Variants in DAB2IP observed in about 807,000 individuals in gnomAD.
DAB2IP encodes DAB2 interacting protein.
In DAB2IP, 28 loss-of-function variants were observed where a neutral mutation model predicts 107.2. That is an observed-to-expected ratio of 0.26 (90% CI 0.19 to 0.36). DAB2IP has a LOEUF of 0.36. Ranked by LOEUF, DAB2IP falls within the 10% of genes least tolerant of loss-of-function variation. The pLI is 1.00. For synonymous variants in DAB2IP, 755 were observed against 706.4 expected (o/e 1.07, Z -1.09); for missense variants, 1,400 against 1,644.7 (o/e 0.85, Z 2.57).
chr9:121,667,958 C>T (rs1193794776), intron 1 of DAB2IP, among the ~76,000 whole-genome samples: 1 of 152,108 alleles, frequency 6.6e-6, no homozygotes, highest in African/African-American at 2.4e-5. Flanking sequence ...GCACTTCTTA[C>T]ATGGTGGTGG....
chr9:121,669,902 G>A (rs926602741), intron 1 of DAB2IP, among the ~76,000 whole-genome samples: 5 of 152,300 alleles, frequency 3.3e-5, no homozygotes, highest in African/African-American at 1.2e-4. Flanking sequence ...CGATGTCAGG[G>A]GCTTTTATTC....
At chr9:121,640,664 G>A (rs1442523845) in intron 1 of DAB2IP, among the ~76,000 whole-genome samples, 1 of 152,138 alleles carries the variant, frequency 6.6e-6, no homozygotes, top group East Asian at 1.9e-4. Flanking sequence ...TGGGCTACAG[G>A]CTAAACTCCA....
Position 121,687,910 on chromosome 9 carries a change from G to A in DAB2IP, c.228+9129G>A, listed in dbSNP as rs111286654. On this transcript the variant is annotated intron_variant, in intron 2 of 15. Transcript: ENST00000408936. ...TTCATCTTACGGACGAGGATGTTGA[G>A]GCCCAGAGAGGGGAGGTGCATTGTC... Among the ~76,000 whole-genome samples, 877 of 152,300 alleles carry A rather than the reference G, an allele frequency of 5.8e-3. 10 individuals are homozygous for A. Among genetic ancestry groups the A allele is most frequent in the African/African-American group, 0.02 (827 of 41,552 alleles).
rs986725940 is a variant in DAB2IP at position 121,599,743 on chromosome 9, C to T, written c.40+32515C>T. Among the ~76,000 whole-genome samples the T allele has an allele frequency of 2.0e-5, 3 of 152,122 alleles. No individual in the cohort carries two copies. On this transcript the variant is annotated intron_variant, in intron 1 of 16. Coordinates refer to the DAB2IP transcript ENST00000259371. The surrounding 1 kb of genome is among the most constrained non-coding windows in gnomAD (Gnocchi z 6.9). The stretch of plus-strand genomic sequence containing the variant: ...CCGGAGCCTTTGGGATGGCAGCGCC[C>T]AGCGGCCCGGCCCGCGCGTAGAGGT...
chr9:121,642,135 G>C (rs951762477), intron 1 of DAB2IP, among the ~76,000 whole-genome samples: 1 of 147,714 alleles, frequency 6.8e-6, no homozygotes. Flanking sequence ...GGCTGGAGTA[G>C]AGTGACACGA....
intron 6 of DAB2IP, among the ~76,000 whole-genome samples, chr9:121,761,928 G>A (rs13295980): frequency 0.054 from 8,178 of 152,238 alleles, 319 homozygotes; most frequent in Non-Finnish European, 0.085. Flanking sequence ...GCTGGGGCTG[G>A]CCTGGGAAGC....
At chr9:121,592,848 C>G (rs1205459072) in intron 1 of DAB2IP, among the ~76,000 whole-genome samples, 1 of 152,044 alleles carries the variant, frequency 6.6e-6, no homozygotes. Context: ...AAAGACGGGT[C>G]CAGATTGGAA....
At chr9:121,756,512 G>A (rs934765233) in intron 3 of DAB2IP, among the ~76,000 whole-genome samples, 4 of 152,250 alleles carry the variant, frequency 2.6e-5, no homozygotes, top group Admixed American at 6.5e-5. Flanking sequence ...GCTTTCCCTC[G>A]TGTGGGTCTG....
At chr9:121,636,977 C>T (rs1402708393) in intron 1 of DAB2IP, among the ~76,000 whole-genome samples, 2 of 152,212 alleles carry the variant, frequency 1.3e-5, no homozygotes, top group African/African-American at 2.4e-5. Flanking sequence ...GATTTATCCC[C>T]TGGACTGTCA....
intron 1 of DAB2IP, among the ~76,000 whole-genome samples, chr9:121,623,900 C>T (rs566547): frequency 0.35 from 53,055 of 152,050 alleles, 11,363 homozygotes; most frequent in Non-Finnish European, 0.49. Context: ...ATTGACCAGG[C>T]GGGTTAAGGT....
At chr9:121,741,803 C>T (rs866724486) in intron 3 of DAB2IP, among the ~76,000 whole-genome samples, 1 of 150,458 alleles carries the variant, frequency 6.6e-6, no homozygotes, top group African/African-American at 2.4e-5. Context: ...GCTTTTGTTA[C>T]GCGCTCACTC....
intron 3 of DAB2IP, among the ~76,000 whole-genome samples, chr9:121,747,443 G>A (rs1832796238): frequency 1.3e-5 from 2 of 151,536 alleles, no homozygotes; most frequent in South Asian, 4.2e-4. Context: ...CACCTCTCAG[G>A]TTCACACCAT....
intron 3 of DAB2IP, chr9:121,753,026 A>G (rs1833231202): frequency 6.6e-6 from 1 of 152,164 alleles, no homozygotes. Context: ...TGAGGTCAGC[A>G]TCTGCCTCTT....
At chr9:121,658,648 A>G (rs775484421) in intron 1 of DAB2IP, among the ~76,000 whole-genome samples, 2 of 152,212 alleles carry the variant, frequency 1.3e-5, no homozygotes, top group South Asian at 2.1e-4. Context: ...GGGAATCTCA[A>G]TAGCCCTCCA....
chr9:121,603,308 G>A (rs989592506), intron 1 of DAB2IP, among the ~76,000 whole-genome samples: 4 of 152,252 alleles, frequency 2.6e-5, no homozygotes, highest in Admixed American at 6.5e-5. Context: ...GAGATACAGG[G>A]TGGAGGAATC....
chr9:121,712,477 A>G (rs1455173414), intron 3 of DAB2IP, among the ~76,000 whole-genome samples: 3 of 152,048 alleles, frequency 2.0e-5, no homozygotes, highest in African/African-American at 7.2e-5. Flanking sequence ...CCCTTCTTCA[A>G]TCCCTCCCAG....
At chr9:121,567,545 G>A (rs1829835617) in intron 1 of DAB2IP, among the ~76,000 whole-genome samples, 1 of 152,246 alleles carries the variant, frequency 6.6e-6, no homozygotes, top group African/African-American at 2.4e-5. Context: ...CTGCCTGTCT[G>A]CCTACCTCGC....
intron 10 of DAB2IP, 28 bp downstream of exon 10, chr9:121,768,661 G>A: frequency 1.2e-6 from 2 of 1,611,238 alleles, no homozygotes; most frequent in South Asian, 1.1e-5. Context: ...GCGGAGGTGG[G>A]GCCAAAAGCT....
chr9:121,773,579 G>A, intron 12 of DAB2IP, 84 bp downstream of exon 12: 1 of 1,327,338 alleles, frequency 7.5e-7, no homozygotes, highest in East Asian at 3.0e-5. Context: ...CCTCCTCTCG[G>A]TCATTTCACC....
Sources: gnomAD v4.1 joint callset for allele counts (sites outside exome capture counted in the v4.1 genomes callset) on GRCh38, gnomAD v4.1.1 for gene constraint, Gnocchi (gnomAD v3.1) non-coding constraint, MANE v1.5 for transcripts, NCBI Gene and HGNC (gene_info 2026-07-23, HGNC 2026-07-21) for gene names.